TRPM3: variants seen among roughly 807,000 people sequenced by gnomAD.
The protein encoded by TRPM3 is long transient receptor potential channel 3.
A neutral mutation model predicts 181.2 loss-of-function variants in TRPM3; 77 were observed. The observed-to-expected ratio is 0.42, with a 90% CI of 0.35 to 0.51. The LOEUF is 0.51. Among genes scored for constraint, TRPM3 ranks in the 20% least tolerant of loss-of-function variants. The pLI, the probability that TRPM3 is intolerant of heterozygous loss-of-function variation, is 0.01. For missense variants in TRPM3, 1,759 were observed against 2,196.7 expected, an observed-to-expected ratio of 0.80 and a Z score of 3.98; for synonymous variants, 745 against 796.4, an observed-to-expected ratio of 0.94 and a Z score of 1.09.
chr9:71,116,462 A>T (rs1203378645), intron 1 of TRPM3, among the ~76,000 whole-genome samples: 1 of 152,214 alleles, frequency 6.6e-6, no homozygotes, highest in African/African-American at 2.4e-5. Flanking sequence ...CAGTTCCTGG[A>T]ATGCCTGAAA....
chr9:71,407,696 T>A (rs1248702457), intron 1 of TRPM3, among the ~76,000 whole-genome samples: 4 of 152,166 alleles, frequency 2.6e-5, no homozygotes, highest in African/African-American at 9.7e-5. Flanking sequence ...GACTTAAACG[T>A]CCCTGTCTGA....
At chr9:71,118,583 T>C (rs757188864) in intron 1 of TRPM3, among the ~76,000 whole-genome samples, 1 of 151,950 alleles carries the variant, frequency 6.6e-6, no homozygotes, top group Non-Finnish European at 1.5e-5. Flanking sequence ...TTTAGCTAAA[T>C]CTAATCAAGC....
At chr9:71,253,239 A>T (rs4744627) in intron 1 of TRPM3, among the ~76,000 whole-genome samples, 103,055 of 152,004 alleles carry the variant, frequency 0.68, 35,051 homozygotes, top group African/African-American at 0.69. Flanking sequence ...AAGAAAAAAA[A>T]TTCATCACTA....
chr9:71,327,503 A>C (rs73649721), intron 1 of TRPM3, among the ~76,000 whole-genome samples: 3,138 of 152,246 alleles, frequency 0.021, 101 homozygotes, highest in African/African-American at 0.072. Context: ...TTTGAGACAC[A>C]ATCCACCAAG....
intron 8 of TRPM3, among the ~76,000 whole-genome samples, chr9:70,750,759 T>C (rs1414049546): frequency 2.6e-5 from 4 of 152,162 alleles, no homozygotes; most frequent in African/African-American, 7.2e-5. Flanking sequence ...ATTGTGGAGA[T>C]GTAGGGCTGG....
rs945991220 is a variant in TRPM3 at position 70,535,426 on chromosome 9, G to A, written c.*527C>T. 1.0e-5 allele frequency: 16 copies of A among 1,550,394 alleles called. No individual in the cohort carries two copies. Among genetic ancestry groups the A allele is most frequent in the African/African-American group, 2.7e-5 (2 of 73,026 alleles). ...ACGTTAGGTAGAACTGCTTGCTGCC[G>A]GCTTATACTGAATAAAGAGGATGCT... On this transcript the variant is annotated 3_prime_UTR_variant, in exon 26 of 26. Transcript: ENST00000677713.
rs534322844 is a variant in TRPM3, at chr9:70,805,534, G to GAAAAAAA, written c.974-21262_974-21256dup. On this transcript the variant is annotated intron_variant, in intron 6 of 25. Coordinates refer to ENST00000677713, the MANE Select transcript of TRPM3 (RefSeq NM_001366145.2). ...GGGCGACAGAGCCAGACTCCATCTC[G>GAAAAAAA]AAAAAAAAAAAAAAAAAAAAAAAAA... Among the ~76,000 whole-genome samples the GAAAAAAA allele has an allele frequency of 1.5e-4, 12 of 82,758 alleles. 1 individual carries two copies. The highest frequency in any genetic ancestry group is 3.0e-4 in the African/African-American group (9 of 30,018). 54.3% of individuals were successfully genotyped at this position (82,758 alleles called of 152,430 possible).
chr9:71,446,870 A>C, upstream of TRPM3: 1 of 1,492,944 alleles, frequency 6.7e-7, no homozygotes, highest in Non-Finnish European at 9.0e-7. Context: ...GAAACAGCCC[A>C]GCGCCGAGCG....
chr9:70,853,969 C>G (rs528025010), intron 3 of TRPM3, among the ~76,000 whole-genome samples: 1 of 152,108 alleles, frequency 6.6e-6, no homozygotes, highest in Non-Finnish European at 1.5e-5. Context: ...AAATGATATT[C>G]CTATGCTCAT....
At chr9:70,675,232 C>G (rs2063765173) in intron 9 of TRPM3, among the ~76,000 whole-genome samples, 1 of 152,120 alleles carries the variant, frequency 6.6e-6, no homozygotes, top group African/African-American at 2.4e-5. Flanking sequence ...TCCCAAGTAG[C>G]TGGGACTACA....
chr9:71,341,849 T>C (rs540649819), intron 1 of TRPM3, among the ~76,000 whole-genome samples: 3 of 152,114 alleles, frequency 2.0e-5, no homozygotes, highest in Admixed American at 2.0e-4. Context: ...TTGTGTATCT[T>C]CTGCATTAAA....
In TRPM3 at chr9:70,938,055, G is replaced by T. The variant is rs1304065232; in HGVS notation, c.178-73544C>A. Reference sequence around the variant, plus strand: ...CAGCAGTTTGCTAACCATTTTTCAGGACTTCGAAATCTGTTAGGATGTGGA... The same window carrying T: ...CAGCAGTTTGCTAACCATTTTTCAGTACTTCGAAATCTGTTAGGATGTGGA... On this transcript the variant is annotated intron_variant, in intron 1 of 25. Transcript: ENST00000677713. 2.6e-5 allele frequency among the ~76,000 whole-genome samples: 4 copies of T among 152,246 alleles called. No homozygotes were observed. In the East Asian group the frequency reaches 7.7e-4, roughly 29 times the overall value.
At chr9:70,798,412 T>C (rs2087842963) in intron 6 of TRPM3, among the ~76,000 whole-genome samples, 1 of 152,176 alleles carries the variant, frequency 6.6e-6, no homozygotes, top group Non-Finnish European at 1.5e-5. Context: ...ACTTCATAGT[T>C]CAAATATTAC....
At chr9:71,435,706 A>C (rs2094022237) in intron 1 of TRPM3, among the ~76,000 whole-genome samples, 1 of 152,200 alleles carries the variant, frequency 6.6e-6, no homozygotes, top group South Asian at 2.1e-4. Flanking sequence ...CAGAATAATA[A>C]CCTCCCAAGG....
intron 3 of TRPM3, among the ~76,000 whole-genome samples, chr9:70,855,566 C>T (rs552938108): frequency 4.6e-5 from 7 of 152,114 alleles, no homozygotes; most frequent in Non-Finnish European, 8.8e-5. Context: ...GTTTTTGTTA[C>T]GTAGTGTTCT....
chr9:71,374,559 C>G (rs2092616748), intron 1 of TRPM3, among the ~76,000 whole-genome samples: 1 of 152,154 alleles, frequency 6.6e-6, no homozygotes, highest in Non-Finnish European at 1.5e-5. Flanking sequence ...CCCTCTCTCA[C>G]CACTCCTATT....
chr9:71,410,406 TAAAA>T (rs2093523377), intron 1 of TRPM3, among the ~76,000 whole-genome samples: 1 of 151,624 alleles, frequency 6.6e-6, no homozygotes, highest in Admixed American at 6.6e-5. Context: ...ATAGACACAA[TAAAA>T]AATAATAAAG....
chr9:71,322,079 T>A (rs1240874061), intron 1 of TRPM3, among the ~76,000 whole-genome samples: 1 of 152,136 alleles, frequency 6.6e-6, no homozygotes, highest in African/African-American at 2.4e-5. Flanking sequence ...GACAGAACTT[T>A]TGACTCACAG....
Position 71,045,858 on chromosome 9 carries a change from A to G in TRPM3, c.177+75320T>C, listed in dbSNP as rs548877234. 2.0e-5 allele frequency among the ~76,000 whole-genome samples: 3 copies of G among 152,326 alleles called. No homozygotes were observed. The South Asian group carries it at 6.2e-4, about 32-fold the overall frequency. ...TCTAACCCATAAAATTGGGGATTCAATAGCCAAATAATTTTGGAAAATTAG... is the reference window on the plus strand; with the variant it reads ...TCTAACCCATAAAATTGGGGATTCAGTAGCCAAATAATTTTGGAAAATTAG... On this transcript the variant is annotated intron_variant, in intron 1 of 25. Coordinates refer to ENST00000677713, the MANE Select transcript of TRPM3 (RefSeq NM_001366145.2).
Sources: gnomAD v4.1 joint callset for allele counts (sites outside exome capture counted in the v4.1 genomes callset) on GRCh38, gnomAD v4.1.1 for gene constraint, MANE v1.5 for transcripts, NCBI Gene and HGNC (gene_info 2026-07-23, HGNC 2026-07-21) for gene names.